Variants in IPO8 observed in about 807,000 individuals in gnomAD.
The protein encoded by IPO8 is importin 8.
Under a neutral mutation model 141.2 loss-of-function variants are expected in IPO8, and 65 were observed. The observed-to-expected ratio is 0.46, with a 90% CI of 0.38 to 0.57. The LOEUF is 0.57. Ranked by LOEUF, IPO8 falls within the 20% of genes least tolerant of loss-of-function variation. The pLI, the probability that IPO8 is intolerant of heterozygous loss-of-function variation, is 0.00. For synonymous variants in IPO8, 411 were observed against 420.3 expected (o/e 0.98, Z 0.27); for missense variants, 980 against 1,246.8 (o/e 0.79, Z 3.22).
At position 30,671,065 on chromosome 12, in the gene IPO8, T is replaced by C. The variant is rs1218587974; in HGVS notation, c.941A>G (p.Gln314Arg). Residue 314 changes from glutamine (Q) to arginine (R), a missense_variant, in exon 9 of 25, where the codon CAG (glutamine) becomes CGG (arginine). Physicochemically the swap from Gln to Arg is conservative, Grantham distance 43 (BLOSUM62 1). This residue lies in a region of IPO8 where 924 missense variants were observed against 1,153.9 expected (regional missense o/e 0.80). Coordinates refer to ENST00000256079, the MANE Select transcript of IPO8 (RefSeq NM_006390.4). ...VLLKILDQYR[Q>R]KEYVAPRVLQ... is the part of the protein sequence containing the mutation. ...AACACGGGGAGCTACATATTCTTTC[T>C]GTCTATATTGATCTAAAATTTTTAG... The C allele has an allele frequency of 6.2e-7, 1 of 1,605,012 alleles. No homozygotes were observed. Among genetic ancestry groups the C allele is most frequent in the African/African-American group, 1.3e-5 (1 of 74,792 alleles).
chr12:30,669,383 T>G, intron 9 of IPO8, 101 bp from the exon 10 acceptor site: 1 of 538,628 alleles, frequency 1.9e-6, no homozygotes, highest in Non-Finnish European at 3.2e-6. Flanking sequence ...TGATGTTAGT[T>G]TTCCAAACTC....
chr12:30,660,202 G>A (rs2052866260), intron 16 of IPO8, among the ~76,000 whole-genome samples: 1 of 152,172 alleles, frequency 6.6e-6, no homozygotes, highest in African/African-American at 2.4e-5. Context: ...CAGCCTAGGT[G>A]ACAGAGTGAG....
chr12:30,691,231 GATA>G (rs1467881122), intron 1 of IPO8, among the ~76,000 whole-genome samples: 1 of 152,220 alleles, frequency 6.6e-6, no homozygotes, highest in Admixed American at 6.5e-5. Flanking sequence ...AAACAGAGAA[GATA>G]ATGTTACAAA....
intron 16 of IPO8, among the ~76,000 whole-genome samples, chr12:30,658,085 G>A (rs892111314): frequency 2.0e-5 from 3 of 152,100 alleles, no homozygotes; most frequent in Admixed American, 1.3e-4. Context: ...TCGTGTAAAT[G>A]TCCTATTTCA....
intron 1 of IPO8, among the ~76,000 whole-genome samples, chr12:30,691,315 C>T (rs965405266): frequency 3.3e-5 from 5 of 152,176 alleles, no homozygotes; most frequent in Admixed American, 3.3e-4. Flanking sequence ...GGGTTGAGCA[C>T]ACTGTCATCA....
intron 16 of IPO8, among the ~76,000 whole-genome samples, chr12:30,660,404 T>A (rs2052868513): frequency 6.6e-6 from 1 of 152,208 alleles, no homozygotes. Flanking sequence ...AGGTTTTAAA[T>A]GGGGATAAAC....
intron 8 of IPO8, among the ~76,000 whole-genome samples, chr12:30,672,815 T>C (rs1290092334): frequency 6.6e-6 from 1 of 152,188 alleles, no homozygotes; most frequent in Non-Finnish European, 1.5e-5. Flanking sequence ...ACTATATAAC[T>C]ACAACTTTCC....
intron 10 of IPO8, among the ~76,000 whole-genome samples, chr12:30,668,851 A>G (rs1449065130): frequency 6.6e-6 from 1 of 152,210 alleles, no homozygotes; most frequent in East Asian, 1.9e-4. Flanking sequence ...TATTTCCCAC[A>G]TGAGAACAAC....
intron 23 of IPO8, 39 bp from the exon 24 acceptor site, chr12:30,632,050 G>T: frequency 1.5e-6 from 2 of 1,350,322 alleles, no homozygotes; most frequent in South Asian, 1.2e-5. Flanking sequence ...AGGGTACAGC[G>T]ACTATTAATT....
At chr12:30,658,239 A>G (rs907291794) in intron 16 of IPO8, among the ~76,000 whole-genome samples, 2 of 152,152 alleles carry the variant, frequency 1.3e-5, no homozygotes, top group African/African-American at 4.8e-5. Context: ...TTAGATTCAC[A>G]ATTTTGTGTT....
At chr12:30,684,177 C>T (rs1038653735) in intron 3 of IPO8, 124 bp downstream of exon 3, 1 of 746,288 alleles carries the variant, frequency 1.3e-6, no homozygotes, top group African/African-American at 1.8e-5. Context: ...TTGAGTGTCC[C>T]TCTTTATTAC....
chr12:30,677,173 G>GA (rs1347516669), intron 5 of IPO8: 2 of 986,724 alleles, frequency 2.0e-6, no homozygotes, highest in Admixed American at 4.3e-5. Context: ...ACTCTAACTG[G>GA]AAAAAATGTA....
chr12:30,684,497 A>C, intron 2 of IPO8, 40 bp from the exon 3 acceptor site: 1 of 1,601,432 alleles, frequency 6.2e-7, no homozygotes, highest in Non-Finnish European at 8.5e-7. Context: ...AGTACCAAAA[A>C]GGATGGCTTT....
In IPO8 at chr12:30,684,408, T is replaced by TTCTC; in HGVS notation, c.212_215dup (p.Pro73ArgfsTer23). On this transcript the variant is annotated frameshift_variant, in exon 3 of 25. Transcript: ENST00000256079. LOFTEE classifies it high-confidence loss of function. ...GAAATATTGCTTCTCCTGGTGGAGGTTCTCGATCTGGCCAGTATTGTGTCA... is the reference window on the plus strand; with the variant it reads ...GAAATATTGCTTCTCCTGGTGGAGGTTCTCTCTCGATCTGGCCAGTATTGTGTCA... The TTCTC allele has an allele frequency of 6.2e-7, 1 of 1,614,102 alleles. No homozygotes were observed. Among genetic ancestry groups the TTCTC allele is most frequent in the Non-Finnish European group, 8.5e-7 (1 of 1,179,992 alleles).
rs748641533 is a variant in IPO8 at position 30,669,295 on chromosome 12, A to G, written c.1045-13T>C. 7.6e-7 allele frequency: 1 copy of G among 1,319,684 alleles called. No individual in the cohort carries two copies. The highest frequency in any genetic ancestry group is 2.0e-5 in the Admixed American group (1 of 51,222). 81.7% of individuals were successfully genotyped at this position (1,319,684 alleles called of 1,614,324 possible). ...CTTCAGAGATATTCTAAAATGAGAAAAAAAAAAAAACGTAACAAATGGGTA... is the reference window on the plus strand; with the variant it reads ...CTTCAGAGATATTCTAAAATGAGAAGAAAAAAAAAACGTAACAAATGGGTA... On this transcript the variant is annotated splice_polypyrimidine_tract_variant and intron_variant, in intron 9 of 24. Transcript: ENST00000256079.
chr12:30,661,547 T>A, intron 15 of IPO8, among the ~76,000 whole-genome samples: 1 of 144,284 alleles, frequency 6.9e-6, no homozygotes. Context: ...TGAAATCAAG[T>A]AATAGTAAAA....
intron 2 of IPO8, among the ~76,000 whole-genome samples, chr12:30,690,224 T>C (rs1285492099): frequency 1.3e-5 from 2 of 151,920 alleles, no homozygotes; most frequent in East Asian, 3.9e-4. Context: ...GCTATTAAAA[T>C]TGAGAAAAAT....
At chr12:30,652,497 G>GT (rs1416205287) in intron 18 of IPO8, among the ~76,000 whole-genome samples, 1 of 152,010 alleles carries the variant, frequency 6.6e-6, no homozygotes, top group Non-Finnish European at 1.5e-5. Context: ...CATTTATGAA[G>GT]TAATTGTGCT....
At chr12:30,684,741 T>C (rs572025901) in intron 2 of IPO8, among the ~76,000 whole-genome samples, 34 of 152,324 alleles carry the variant, frequency 2.2e-4, no homozygotes, top group Non-Finnish European at 4.6e-4. Context: ...TACTTTGAGA[T>C]CATAAAATCA....
Sources: allele counts gnomAD v4.1 joint callset (sites outside exome capture counted in the v4.1 genomes callset), GRCh38; gene constraint gnomAD v4.1.1; regional missense constraint gnomAD v4.1.1; transcripts MANE v1.5; gene names NCBI Gene and HGNC (gene_info 2026-07-23, HGNC 2026-07-21).